The following GRIP2 variants were observed in gnomAD, a reference collection of about 807,000 sequenced individuals.
GRIP2 encodes glutamate receptor-interacting protein 2.
A neutral mutation model predicts 108.3 loss-of-function variants in GRIP2; 58 were observed. That is an observed-to-expected ratio of 0.54 (90% CI 0.43 to 0.67). The LOEUF (loss-of-function observed/expected upper bound fraction) is 0.67. Among genes scored for constraint, GRIP2 ranks in the 30% least tolerant of loss-of-function variants. The pLI, the probability that GRIP2 is intolerant of heterozygous loss-of-function variation, is 0.00. For synonymous variants in GRIP2, 586 were observed against 598.2 expected (o/e 0.98, Z 0.30); for missense variants, 1,278 against 1,430.6 (o/e 0.89, Z 1.72).
At chr3:14,523,567 C>T (rs1402585943) in intron 5 of GRIP2, 45 bp downstream of exon 5, 2 of 1,222,436 alleles carry the variant, frequency 1.6e-6, no homozygotes, top group South Asian at 1.3e-5. Context: ...TTAGTATTAG[C>T]CTCTTTCTTG....
the GRIP2 span, among the ~76,000 whole-genome samples, chr3:14,572,060 T>A: frequency 6.6e-6 from 1 of 152,038 alleles, no homozygotes; most frequent in Non-Finnish European, 1.5e-5. Context: ...CTGTTAAAAA[T>A]ATGCATATCC....
the GRIP2 span, chr3:14,574,335 C>T: frequency 3.9e-6 from 4 of 1,026,354 alleles, no homozygotes; most frequent in East Asian, 7.5e-5. Flanking sequence ...GAAGAGTTTG[C>T]GCACCGGCAC....
chr3:14,552,635 T>TCTC (rs11374160), intron 1 of GRIP2, among the ~76,000 whole-genome samples: 1 of 66,676 alleles, frequency 1.5e-5, no homozygotes, highest in Non-Finnish European at 2.9e-5. Context: ...TCTCTCTCTC[T>TCTC]TTTTTTTTTT....
At chr3:14,523,509 T>G in intron 5 of GRIP2, 103 bp downstream of exon 5, 1 of 791,636 alleles carries the variant, frequency 1.3e-6, no homozygotes, top group East Asian at 2.7e-5. Flanking sequence ...AAGTCAGAAC[T>G]GAGATACACA....
chr3:14,589,168 C>G, the GRIP2 span, among the ~76,000 whole-genome samples: 1 of 151,538 alleles, frequency 6.6e-6, no homozygotes, highest in Non-Finnish European at 1.5e-5. Flanking sequence ...ATTTCTTTAG[C>G]TAGAGAACGG....
At chr3:14,498,197 T>A (rs952871840) in intron 21 of GRIP2, among the ~76,000 whole-genome samples, 8 of 152,198 alleles carry the variant, frequency 5.3e-5, no homozygotes, top group Non-Finnish European at 7.4e-5. Flanking sequence ...TGTGGTGGTT[T>A]ATGCTTGTAA....
chr3:14,507,472 C>G lies in GRIP2; in HGVS notation c.2218+89G>C. On this transcript the variant is annotated intron_variant, in intron 18 of 23. Coordinates refer to ENST00000621039, the MANE Select transcript of GRIP2 (RefSeq NM_001080423.4). The surrounding 1 kb of genome is among the most constrained non-coding windows in gnomAD (Gnocchi z 4.6). ...CCTCCACAGGGCTGCAGTGAGGACT[C>G]TGTGAGGGTGTGCAGGCAAAGCCTG... 6.6e-7 allele frequency: 1 copy of G among 1,511,816 alleles called. No individual in the cohort carries two copies. The highest frequency in any genetic ancestry group is 9.1e-7 in the Non-Finnish European group (1 of 1,097,634). 93.7% of individuals were successfully genotyped at this position (1,511,816 alleles called of 1,614,324 possible).
chr3:14,535,059 C>A (rs766008555), intron 1 of GRIP2, among the ~76,000 whole-genome samples: 86 of 152,042 alleles, frequency 5.7e-4, no homozygotes, highest in Non-Finnish European at 1.1e-3. Flanking sequence ...AGAGGCTCCA[C>A]TTGGGGCGAA....
chr3:14,577,457 A>G, the GRIP2 span, among the ~76,000 whole-genome samples: 1 of 152,224 alleles, frequency 6.6e-6, no homozygotes, highest in Non-Finnish European at 1.5e-5. Context: ...CTGGCCACTC[A>G]GTGGAGTCAA....
intron 20 of GRIP2, 159 bp from the exon 21 acceptor site, chr3:14,503,830 G>T: frequency 1.7e-6 from 1 of 605,390 alleles, no homozygotes. Flanking sequence ...CAGTTCTGGG[G>T]CCCCGGGGCA....
At chr3:14,509,563 C>T (rs1203199479) in intron 17 of GRIP2, among the ~76,000 whole-genome samples, 1 of 152,254 alleles carries the variant, frequency 6.6e-6, no homozygotes, top group African/African-American at 2.4e-5. Flanking sequence ...CAGGAAGATG[C>T]ACACACCTTG....
intron 23 of GRIP2, 111 bp from the exon 24 acceptor site, chr3:14,493,937 A>G (rs950059912): frequency 2.8e-6 from 3 of 1,063,660 alleles, no homozygotes; most frequent in African/African-American, 3.2e-5. Context: ...GCCTTGACGC[A>G]AGCCCTGACA....
Position 14,540,247 on chromosome 3 carries a change from C to G in GRIP2, c.40+22G>C. ...TATGTGTTCAGCCCCATCACTCTGC[C>G]CACAGACCCCCCATTACGTACCCGC... On this transcript the variant is annotated intron_variant, in intron 1 of 23. Coordinates refer to ENST00000621039, the MANE Select transcript of GRIP2 (RefSeq NM_001080423.4). This position sits in a 1 kb window ranked among gnomAD's most constrained non-coding sequence, Gnocchi z 4.1. The G allele has an allele frequency of 6.2e-7, 1 of 1,612,792 alleles. No individual in the cohort carries two copies. The highest frequency in any genetic ancestry group is 8.5e-7 in the Non-Finnish European group (1 of 1,179,286).
At chr3:14,540,355 C>A (rs774012573), upstream of GRIP2, 3 of 1,612,178 alleles carry the variant, frequency 1.9e-6, no homozygotes, top group South Asian at 1.1e-5. This position sits in a 1 kb window ranked among gnomAD's most constrained non-coding sequence, Gnocchi z 4.1. Flanking sequence ...TCGGGAGCCA[C>A]GCTGCTTGGC....
In GRIP2 at chr3:14,505,623, C is replaced by A. The variant is rs377452768; in HGVS notation, c.2565G>T (p.Pro855=). 4 of 1,609,690 alleles carry A rather than the reference C, an allele frequency of 2.5e-6. No individual in the cohort carries two copies. Among genetic ancestry groups the A allele is most frequent in the East Asian group, 4.5e-5 (2 of 44,708 alleles). Residue 855 remains proline (P), a synonymous_variant, in exon 20 of 24, where the codon CCG becomes CCT. Coordinates refer to ENST00000621039, the MANE Select transcript of GRIP2 (RefSeq NM_001080423.4). This position sits in a 1 kb window ranked among gnomAD's most constrained non-coding sequence, Gnocchi z 4.2. ...GTGCTCCCACCACAGACCTCGTTGG[C>A]GGCTCCCAATCATCCTCCTCCTCCT... The part of the protein sequence containing the change: ...PEEEEEDDWE[P]PTSPAPGPAR...
chr3:14,572,840 G>A, the GRIP2 span: 31 of 1,091,490 alleles, frequency 2.8e-5, no homozygotes, highest in East Asian at 3.3e-4. Flanking sequence ...CCTGGAGCCC[G>A]CAGCCAGCTC....
At chr3:14,524,103 G>C (rs1429343107) in intron 4 of GRIP2, 2 of 530,358 alleles carry the variant, frequency 3.8e-6, no homozygotes, top group Non-Finnish European at 3.4e-6. Context: ...TGGTAGGTCA[G>C]GGAACGACTT....
the GRIP2 span, among the ~76,000 whole-genome samples, chr3:14,587,918 A>AT: frequency 6.6e-6 from 1 of 152,262 alleles, no homozygotes; most frequent in South Asian, 2.1e-4. Flanking sequence ...TCTATAAAAA[A>AT]TGTGCATTCC....
the GRIP2 span, among the ~76,000 whole-genome samples, chr3:14,583,117 AC>A: frequency 1.3e-5 from 2 of 151,724 alleles, no homozygotes; most frequent in Admixed American, 1.3e-4. Flanking sequence ...TTGCTCCCCT[AC>A]CCCTCTCCAG....
Sources: gnomAD v4.1 joint callset for allele counts (sites outside exome capture counted in the v4.1 genomes callset) on GRCh38, gnomAD v4.1.1 for gene constraint, Gnocchi (gnomAD v3.1) non-coding constraint, MANE v1.5 for transcripts, NCBI Gene and HGNC (gene_info 2026-07-23, HGNC 2026-07-21) for gene names.